The following ADAMTS17 variants were observed in gnomAD, a reference collection of about 807,000 sequenced individuals.
ADAMTS17 encodes the protein A disintegrin and metalloproteinase with thrombospondin motifs 17.
A neutral mutation model predicts 141.5 loss-of-function variants in ADAMTS17; 113 were observed. The ratio of observed to expected loss-of-function variants is 0.80; its 90% CI spans 0.69 to 0.93. The LOEUF (loss-of-function observed/expected upper bound fraction) is 0.93. ADAMTS17 is among the 40% of genes least tolerant of loss of function. The pLI, the probability that ADAMTS17 is intolerant of heterozygous loss-of-function variation, is 0.00. For missense variants in ADAMTS17, 1,659 were observed against 1,517.9 expected (o/e 1.09, Z -1.54); for synonymous variants, 768 against 630.6 (o/e 1.22, Z -3.27).
chr15:100,125,337 C>G (rs958332785), intron 12 of ADAMTS17, among the ~76,000 whole-genome samples: 2 of 152,222 alleles, frequency 1.3e-5, no homozygotes, highest in African/African-American at 4.8e-5. Context: ...CATATGAATG[C>G]CAGATCGCTG....
chr15:100,155,131 G>A, intron 9 of ADAMTS17, 49 bp downstream of exon 9: 4 of 1,613,322 alleles, frequency 2.5e-6, no homozygotes, highest in African/African-American at 1.3e-5. Context: ...TTTGTCTTTT[G>A]GAAGTACTTT....
chr15:100,277,603 C>A (rs1245358857), intron 4 of ADAMTS17, among the ~76,000 whole-genome samples: 1 of 152,230 alleles, frequency 6.6e-6, no homozygotes, highest in Admixed American at 6.5e-5. Context: ...CAGCCCTCCT[C>A]TCAGGCGTGC....
At chr15:100,297,354 T>A (rs1596471576) in intron 3 of ADAMTS17, among the ~76,000 whole-genome samples, 1 of 152,252 alleles carries the variant, frequency 6.6e-6, no homozygotes, top group East Asian at 1.9e-4. Flanking sequence ...CTAGGGCTTG[T>A]GTTCTGAATG....
intron 18 of ADAMTS17, among the ~76,000 whole-genome samples, chr15:100,014,703 A>T (rs1410646399): frequency 6.6e-6 from 1 of 152,052 alleles, no homozygotes; most frequent in African/African-American, 2.4e-5. Flanking sequence ...TTCCAGTTTT[A>T]TTCTACTGTG....
intron 4 of ADAMTS17, among the ~76,000 whole-genome samples, chr15:100,274,949 C>T (rs1461914944): frequency 6.6e-6 from 1 of 152,144 alleles, no homozygotes; most frequent in Non-Finnish European, 1.5e-5. Context: ...TCTGACTTTA[C>T]ACCAGCTTAA....
chr15:100,320,146 G>A (rs1322602829), intron 3 of ADAMTS17, among the ~76,000 whole-genome samples: 2 of 152,114 alleles, frequency 1.3e-5, no homozygotes, highest in African/African-American at 4.8e-5. Context: ...ACCGATGACA[G>A]GAAATTCTCT....
intron 7 of ADAMTS17, among the ~76,000 whole-genome samples, chr15:100,225,076 C>T (rs890424599): frequency 3.3e-5 from 5 of 152,232 alleles, no homozygotes; most frequent in African/African-American, 1.2e-4. Flanking sequence ...CCATGGGGAA[C>T]CTGCCTTTGT....
intron 13 of ADAMTS17, among the ~76,000 whole-genome samples, chr15:100,113,704 A>G (rs1054731264): frequency 1.4e-4 from 21 of 152,230 alleles, no homozygotes; most frequent in African/African-American, 5.1e-4. Context: ...AGGTCCTGAC[A>G]TCTTCAGCTT....
chr15:100,340,852 C>T (rs1239787360), intron 2 of ADAMTS17, among the ~76,000 whole-genome samples, 187 bp downstream of exon 2: 1 of 152,194 alleles, frequency 6.6e-6, no homozygotes. Flanking sequence ...CCCTCCCACC[C>T]CCTTTGCCTA....
chr15:99,987,087 G>A (rs1336264453), intron 20 of ADAMTS17, among the ~76,000 whole-genome samples: 1 of 152,204 alleles, frequency 6.6e-6, no homozygotes, highest in Admixed American at 6.5e-5. Flanking sequence ...TGAGTGGCAG[G>A]AGTGCTCAGC....
intron 11 of ADAMTS17, 93 bp from the exon 12 acceptor site, chr15:100,132,245 C>T: frequency 6.6e-7 from 1 of 1,509,224 alleles, no homozygotes. Context: ...TGCCAAAAAC[C>T]CATTTGCTAA....
chr15:100,211,740 G>C (rs2041816645), intron 7 of ADAMTS17, among the ~76,000 whole-genome samples: 1 of 152,050 alleles, frequency 6.6e-6, no homozygotes. Flanking sequence ...GATTTAAAAA[G>C]ATATACAACC....
At chr15:100,139,380 G>C (rs1482086614) in intron 10 of ADAMTS17, among the ~76,000 whole-genome samples, 1 of 152,208 alleles carries the variant, frequency 6.6e-6, no homozygotes, top group African/African-American at 2.4e-5. Flanking sequence ...AAGACCCAGA[G>C]GATGTTTGGC....
intron 7 of ADAMTS17, among the ~76,000 whole-genome samples, chr15:100,227,736 G>A (rs1357431343): frequency 1.3e-5 from 2 of 152,206 alleles, no homozygotes; most frequent in South Asian, 2.1e-4. Flanking sequence ...CCTGGGCTAC[G>A]TGGGATTGCA....
intron 18 of ADAMTS17, among the ~76,000 whole-genome samples, chr15:100,009,709 C>A (rs758418333): frequency 6.6e-6 from 1 of 152,212 alleles, no homozygotes; most frequent in Non-Finnish European, 1.5e-5. Flanking sequence ...AGTTGCTGTT[C>A]CCCCAAAGCC....
chr15:100,005,792 A>G (rs1166584893), intron 18 of ADAMTS17, among the ~76,000 whole-genome samples: 1 of 152,200 alleles, frequency 6.6e-6, no homozygotes, highest in Admixed American at 6.5e-5. Flanking sequence ...ACAGGAATCT[A>G]TTCCCTCACA....
At chr15:100,080,008 T>A (rs1182661734) in intron 15 of ADAMTS17, among the ~76,000 whole-genome samples, 1 of 152,200 alleles carries the variant, frequency 6.6e-6, no homozygotes, top group African/African-American at 2.4e-5. Context: ...GGCAAAGTTC[T>A]CCAGCAGGCC....
At chr15:100,078,694 G>A (rs12591135) in intron 15 of ADAMTS17, among the ~76,000 whole-genome samples, 24,092 of 152,114 alleles carry the variant, frequency 0.16, 2,434 homozygotes, top group East Asian at 0.51. Flanking sequence ...AAAAGCACAC[G>A]CAACAAAAGA....
At chr15:100,148,486 T>C (rs2039012700) in intron 10 of ADAMTS17, among the ~76,000 whole-genome samples, 1 of 152,112 alleles carries the variant, frequency 6.6e-6, no homozygotes, top group African/African-American at 2.4e-5. Context: ...TTTTGAAAGA[T>C]ATTTTTGCTG....
Sources: gnomAD v4.1 joint callset for allele counts (sites outside exome capture counted in the v4.1 genomes callset) on GRCh38, gnomAD v4.1.1 for gene constraint, MANE v1.5 for transcripts, NCBI Gene and HGNC (gene_info 2026-07-23, HGNC 2026-07-21) for gene names.